The following ZMYM3 variants were observed in gnomAD, a reference collection of about 807,000 sequenced individuals.
ZMYM3 encodes the protein zinc finger MYM-type protein 3.
In ZMYM3, 6 loss-of-function variants were observed where a neutral mutation model predicts 94.2. That is an observed-to-expected ratio of 0.06 (90% CI 0.03 to 0.13). The LOEUF (loss-of-function observed/expected upper bound fraction) is 0.13. Among genes scored for constraint, ZMYM3 ranks in the 10% least tolerant of loss-of-function variants. The pLI, the probability that ZMYM3 is intolerant of heterozygous loss-of-function variation, is 1.00. For synonymous variants in ZMYM3, 420 were observed against 426.5 expected, an observed-to-expected ratio of 0.98 and a Z score of 0.19; for missense variants, 664 against 1,132.6, an observed-to-expected ratio of 0.59 and a Z score of 5.94.
rs1422933266 is a variant in ZMYM3 at position 71,254,100 on chromosome X, C to T, written c.-91G>A. On this transcript the variant is annotated 5_prime_UTR_variant, in exon 1 of 25. Transcript: ENST00000314425. ...GCGACGGCCCCGCGCTCCTTCTCTA[C>T]CTCCCTCCCTAGCAGCCGGGACAGG... The T allele has an allele frequency of 9.0e-6, 1 of 111,669 alleles. No homozygotes were observed. The highest frequency in any genetic ancestry group is 1.9e-5 in the Non-Finnish European group (1 of 53,040). The allele number at this position is 111,669 out of a possible 1,213,427, so 9.2% of individuals were successfully genotyped here. A position where few individuals can be genotyped will look rare whatever the true frequency, so the allele number is the denominator to read the frequency against.
rs777168841 is a variant in ZMYM3, at chrX:71,245,521, C to T, written c.2861-36G>A. On this transcript the variant is annotated intron_variant, in intron 17 of 24. Coordinates refer to ENST00000314425, the MANE Select transcript of ZMYM3 (RefSeq NM_201599.3). ...GAGAAGTTGGCTCAGTGGTTACAAGCTCCTGCTAGCACCCTCACAAGCTTT... is the reference window on the plus strand; with the variant it reads ...GAGAAGTTGGCTCAGTGGTTACAAGTTCCTGCTAGCACCCTCACAAGCTTT... The T allele has an allele frequency of 1.2e-5, 14 of 1,182,754 alleles. No individual in the cohort carries two copies. In the Admixed American group the frequency reaches 3.3e-4, roughly 28 times the overall value.
At chrX:71,248,554 G>A (rs767895364) in intron 9 of ZMYM3, 30 bp from the exon 10 acceptor site, 1 of 1,197,188 alleles carries the variant, frequency 8.4e-7, no homozygotes, top group South Asian at 1.8e-5. Context: ...GTAAGGGAGG[G>A]GCAAGATGTG....
rs767770141 is a variant in ZMYM3, at chrX:71,248,756, G to C, written c.1667C>G (p.Pro556Arg). 8.3e-7 allele frequency: 1 copy of C among 1,208,681 alleles called. No homozygotes were observed. The highest frequency in any genetic ancestry group is 1.8e-5 in the South Asian group (1 of 56,215). Reference sequence around the variant, plus strand: ...GCGGTCAACCTTGTTGTAGTAACAGGGGTCAGAGAGGCTGCGGCGGCAGAA... The same window carrying C: ...GCGGTCAACCTTGTTGTAGTAACAGCGGTCAGAGAGGCTGCGGCGGCAGAA... ...CSFCRRSLSD[P>R]CYYNKVDRTV... The change falls in exon 9 of 25, where the codon CCC becomes CGC. Residue 556 changes from proline (P) to arginine (R), a missense_variant. Pro to Arg is a moderately radical substitution (Grantham distance 103). Transcript: ENST00000314425.
Position 71,248,266 on chromosome X carries a change from T to C in ZMYM3, c.1871A>G (p.Lys624Arg). 8.3e-7 allele frequency: 1 copy of C among 1,208,809 alleles called. No homozygotes were observed. The highest frequency in any genetic ancestry group is 1.1e-6 in the Non-Finnish European group (1 of 893,922). The change falls in exon 11 of 25, where the codon AAG becomes AGG. Residue 624 changes from lysine (K) to arginine (R), a missense_variant. Physicochemically the swap from Lys to Arg is conservative, Grantham distance 26. This residue lies in a region of ZMYM3 where 159 missense variants were observed against 313.0 expected (regional missense o/e 0.51). Coordinates refer to ENST00000314425, the MANE Select transcript of ZMYM3 (RefSeq NM_201599.3). ...FCCRDCCEDF[K>R]RLRGVVSQCE... ...CTGGGACACCACACCCCGAAGCCGC[T>C]TGAAGTCCTCACAGCAATCACGGCA...
rs1161558638 is a variant in ZMYM3, at chrX:71,252,874, G to A, written c.382C>T (p.Pro128Ser). The A allele has an allele frequency of 8.3e-7, 1 of 1,208,938 alleles. No homozygotes were observed. Among genetic ancestry groups the A allele is most frequent in the Non-Finnish European group, 1.1e-6 (1 of 894,514 alleles). ...GQTPEVVPPD[P>S]GAGANSCSPE... Reference sequence around the variant, plus strand: ...GAACAGGAATTTGCCCCAGCCCCTGGATCAGGTGGTACCACCTCAGGGGTC... The same window carrying A: ...GAACAGGAATTTGCCCCAGCCCCTGAATCAGGTGGTACCACCTCAGGGGTC... Residue 128 changes from proline to serine, a missense_variant, in exon 2 of 25, where the codon CCA (proline) becomes TCA (serine). Coordinates refer to ENST00000314425, the MANE Select transcript of ZMYM3 (RefSeq NM_201599.3).
At chrX:71,244,988 G>A in intron 18 of ZMYM3, 95 bp from the exon 19 acceptor site, 2 of 741,902 alleles carry the variant, frequency 2.7e-6, no homozygotes, top group Admixed American at 5.8e-5. Context: ...CTTGACACTA[G>A]ATGAGCCAAA....
At position 71,250,110 on chromosome X, in the gene ZMYM3, A is replaced by G; in HGVS notation, c.1167T>C (p.Tyr389=). The change falls in exon 6 of 25, where the codon TAT becomes TAC. Residue 389 remains tyrosine (Y), a synonymous_variant. Coordinates refer to ENST00000314425, the MANE Select transcript of ZMYM3 (RefSeq NM_201599.3). ...EFCTSVCLSL[Y]EAQQQRPIPQ... ...GGATCGGGCGCTGCTGCTGGGCCTC[A>G]TACAGGGAGAGACAGACGGATGTGC... 8.3e-7 allele frequency: 1 copy of G among 1,208,476 alleles called. No individual in the cohort carries two copies. The highest frequency in any genetic ancestry group is 3.0e-5 in the East Asian group (1 of 33,795).
At chrX:71,245,868 G>A (rs761677811) in intron 16 of ZMYM3, 26 bp from the exon 17 acceptor site, 1 of 1,156,456 alleles carries the variant, frequency 8.6e-7, no homozygotes, top group East Asian at 3.6e-5. Flanking sequence ...CCAACTAAAT[G>A]CCAAGAACCA....
Position 71,249,491 on chromosome X carries a change from G to A in ZMYM3, c.1440C>T (p.Cys480=). 1 of 1,199,134 alleles carries A rather than the reference G, an allele frequency of 8.3e-7. No homozygotes were observed. The highest frequency in any genetic ancestry group is 1.1e-6 in the Non-Finnish European group (1 of 888,877). Residue 480 remains cysteine, a synonymous_variant, in exon 7 of 25, where the codon TGC becomes TGT. Coordinates refer to ENST00000314425, the MANE Select transcript of ZMYM3 (RefSeq NM_201599.3). The part of the protein sequence containing the change: ...LFHEGQQKRF[C]NTTCLGAYKK... ...TGTACGCCCCCAAGCAGGTTGTGTT[G>A]CAGAACCGCTTTTGTTGGCCCTCGT... is the stretch of plus-strand genomic sequence containing the variant.
rs780200614 is a variant in ZMYM3, at chrX:71,243,097, A to C, written c.3433-13T>G. 1.1e-5 allele frequency: 13 copies of C among 1,158,346 alleles called. No homozygotes were observed. In the Admixed American group the frequency reaches 2.6e-4, roughly 23 times the overall value. ...TTTCCAGCAAGTACTGGGGAAAGAAAAACAGACACACCTAAGGCTAGACTG... is the reference window on the plus strand; with the variant it reads ...TTTCCAGCAAGTACTGGGGAAAGAACAACAGACACACCTAAGGCTAGACTG... On this transcript the variant is annotated splice_polypyrimidine_tract_variant and intron_variant, in intron 21 of 24. Coordinates refer to ENST00000314425, the MANE Select transcript of ZMYM3 (RefSeq NM_201599.3).
chrX:71,251,654 C>T (rs1368169545), intron 2 of ZMYM3, 53 bp from the exon 3 acceptor site: 1 of 1,112,198 alleles, frequency 9.0e-7, no homozygotes, highest in African/African-American at 1.9e-5. Flanking sequence ...TCACCACCCT[C>T]TCCCCGGCCC....
intron 15 of ZMYM3, 117 bp downstream of exon 15, chrX:71,246,236 A>G (rs12559559): frequency 2.7e-6 from 3 of 1,094,852 alleles, no homozygotes; most frequent in Non-Finnish European, 3.7e-6. Flanking sequence ...TTCTAGGACA[A>G]CCATATGAAT....
intron 16 of ZMYM3, 21 bp from the exon 17 acceptor site, chrX:71,245,863 T>G (rs757418587): frequency 8.6e-7 from 1 of 1,164,573 alleles, no homozygotes; most frequent in South Asian, 1.8e-5. Flanking sequence ...GAATCCCAAC[T>G]AAATGCCAAG....
chrX:71,253,200 G>T lies in ZMYM3; in HGVS notation c.56C>A (p.Pro19His). Residue 19 changes from proline (P) to histidine (H), a missense_variant, in exon 2 of 25, where the codon CCC becomes CAC. Physicochemically the swap from Pro to His is moderately conservative, Grantham distance 77 (BLOSUM62 -2). Transcript: ENST00000314425. Reference sequence around the variant, plus strand: ...GTCTACTGGTAGGTCTCCAGCCAGGGGCTTCTCTGGCAGGGTCAATGGGTC... The same window carrying T: ...GTCTACTGGTAGGTCTCCAGCCAGGTGCTTCTCTGGCAGGGTCAATGGGTC... The part of the protein sequence containing the change: ...PFDPLTLPEK[P>H]LAGDLPVDME... The T allele has an allele frequency of 8.4e-7, 1 of 1,190,662 alleles. No individual in the cohort carries two copies. The highest frequency in any genetic ancestry group is 1.1e-6 in the Non-Finnish European group (1 of 885,071).
chrX:71,252,891 T>C lies in ZMYM3; in HGVS notation c.365A>G (p.Glu122Gly). 8.3e-7 allele frequency: 1 copy of C among 1,210,532 alleles called. No homozygotes were observed. Residue 122 changes from glutamate (E) to glycine (G), a missense_variant, in exon 2 of 25, where the codon GAG (glutamate) becomes GGG (glycine). Coordinates refer to ENST00000314425, the MANE Select transcript of ZMYM3 (RefSeq NM_201599.3). ...AGCCCCTGGATCAGGTGGTACCACC[T>C]CAGGGGTCTGGCCCCCTGGTCCAGG... is the stretch of plus-strand genomic sequence containing the variant. ...LEPGPGGQTP[E>G]VVPPDPGAGA...
chrX:71,247,937 A>G, intron 11 of ZMYM3, 31 bp from the exon 12 acceptor site: 1 of 1,160,696 alleles, frequency 8.6e-7, no homozygotes, highest in Non-Finnish European at 1.2e-6. Context: ...AAGAGAGTCC[A>G]GAGACACAGA....
At position 71,245,326 on chromosome X, in the gene ZMYM3, C is replaced by T; in HGVS notation, c.3007+13G>A. Reference sequence around the variant, plus strand: ...CTACCATACTCAGTGGGCATGGCTCCAATCTTACTCACTCTTAGGGAAGTC... The same window carrying T: ...CTACCATACTCAGTGGGCATGGCTCTAATCTTACTCACTCTTAGGGAAGTC... On this transcript the variant is annotated intron_variant, in intron 18 of 24. Coordinates refer to ENST00000314425, the MANE Select transcript of ZMYM3 (RefSeq NM_201599.3). 8.3e-7 allele frequency: 1 copy of T among 1,209,050 alleles called. No homozygotes were observed. The highest frequency in any genetic ancestry group is 1.1e-6 in the Non-Finnish European group (1 of 894,441).
At position 71,244,688 on chromosome X, in the gene ZMYM3, G is replaced by A. The variant is rs558604680; in HGVS notation, c.3111+102C>T. On this transcript the variant is annotated intron_variant, in intron 19 of 24. Transcript: ENST00000314425. ...TCAGTACTTCTAGTGTTGGAGAAAGGAGGTTAGGGAAGGTCAAACTATGGT... is the reference window on the plus strand; with the variant it reads ...TCAGTACTTCTAGTGTTGGAGAAAGAAGGTTAGGGAAGGTCAAACTATGGT... 2.7e-4 allele frequency: 220 copies of A among 821,617 alleles called. No homozygotes were observed. The African/African-American group carries it at 4.2e-3, about 16-fold the overall frequency. The allele number at this position is 821,617 out of a possible 1,213,427, so 67.7% of individuals were successfully genotyped here. A position where few individuals can be genotyped will look rare whatever the true frequency, so the allele number is the denominator to read the frequency against.
chrX:71,247,005 CA>C (rs2030209404), intron 13 of ZMYM3, among the ~76,000 whole-genome samples: 1 of 111,287 alleles, frequency 9.0e-6, no homozygotes, highest in South Asian at 3.8e-4. Context: ...CTAGAAATAG[CA>C]GTCTTCAGTC....
Sources: allele counts gnomAD v4.1 joint callset (sites outside exome capture counted in the v4.1 genomes callset), GRCh38; gene constraint gnomAD v4.1.1; regional missense constraint gnomAD v4.1.1; transcripts MANE v1.5; gene names NCBI Gene and HGNC (gene_info 2026-07-23, HGNC 2026-07-21).